RBFOX2: variants seen among roughly 807,000 people sequenced by gnomAD.
The protein encoded by RBFOX2 is RNA binding fox-1 homolog 2.
A neutral mutation model predicts 49.1 loss-of-function variants in RBFOX2; 10 were observed. That is an observed-to-expected ratio of 0.20 (90% CI 0.13 to 0.35). The LOEUF (loss-of-function observed/expected upper bound fraction) is 0.35, where lower values mean the gene tolerates loss of function less well. Ranked by LOEUF, RBFOX2 falls within the 10% of genes least tolerant of loss-of-function variation. RBFOX2 has a pLI of 1.00. For missense variants in RBFOX2, 323 were observed against 486.9 expected, an observed-to-expected ratio of 0.66 and a Z score of 3.17; for synonymous variants, 183 against 187.4, an observed-to-expected ratio of 0.98 and a Z score of 0.19.
intron 1 of RBFOX2, among the ~76,000 whole-genome samples, chr22:35,837,356 T>C (rs1053757521): frequency 1.3e-5 from 2 of 152,166 alleles, no homozygotes; most frequent in Admixed American, 6.5e-5. Flanking sequence ...AACACATCCA[T>C]ACATCGCTCT....
chr22:35,994,070 A>G (rs2058085191), intron 1 of RBFOX2: 1 of 152,174 alleles, frequency 6.6e-6, no homozygotes, highest in Non-Finnish European at 1.5e-5. Flanking sequence ...GCACACCAGT[A>G]TTGTAGTAAC....
At position 35,983,890 on chromosome 22, in the gene RBFOX2, A is replaced by G. The variant is rs376922971; in HGVS notation, c.186+44350T>C. 9.2e-5 allele frequency among the ~76,000 whole-genome samples: 14 copies of G among 152,322 alleles called. No individual in the cohort carries two copies. In the East Asian group the frequency reaches 1.5e-3, roughly 17 times the overall value. ...CAAGCTCTCTTCCTCCTCAACGACC[A>G]GGCACACTCTGTTTATCTCTGACAC... On this transcript the variant is annotated intron_variant, in intron 1 of 13. Transcript: ENST00000438146.
chr22:35,965,131 A>AGAAGATGCCAT (rs1342268656), upstream of RBFOX2, among the ~76,000 whole-genome samples: 1 of 152,234 alleles, frequency 6.6e-6, no homozygotes, highest in East Asian at 1.9e-4. Context: ...GGCTACTTTT[A>AGAAGATGCCAT]GAAGATGCCA....
At chr22:35,970,178 T>C (rs1334162281) in intron 1 of RBFOX2, among the ~76,000 whole-genome samples, 2 of 152,196 alleles carry the variant, frequency 1.3e-5, no homozygotes, top group African/African-American at 4.8e-5. Flanking sequence ...AGGGTGACCA[T>C]GTAACTTGTC....
intron 9 of RBFOX2, 44 bp from the exon 12 acceptor site, chr22:35,746,605 C>T (rs577059015): frequency 1.2e-5 from 16 of 1,299,744 alleles, no homozygotes; most frequent in Non-Finnish European, 1.4e-5. Context: ...CCTCTCCCCC[C>T]AGGTGTACAG....
At chr22:35,987,614 C>A (rs2057778100) in intron 1 of RBFOX2, among the ~76,000 whole-genome samples, 1 of 152,172 alleles carries the variant, frequency 6.6e-6, no homozygotes, top group Non-Finnish European at 1.5e-5. Flanking sequence ...TACATCAGGT[C>A]AGCCTCTAGG....
exon 1 of RBFOX2, chr22:35,961,563 C>T (rs1241888274): frequency 2.3e-5 from 30 of 1,304,036 alleles, no homozygotes; most frequent in Non-Finnish European, 3.0e-5. Context: ...CCCCACCAAC[C>T]TCACAGGGGT....
chr22:35,898,327 G>A (rs924735701), intron 1 of RBFOX2: 17 of 717,282 alleles, frequency 2.4e-5, no homozygotes, highest in Non-Finnish European at 3.9e-5. Context: ...TGTGACACAC[G>A]GATGTGGCTA....
At chr22:35,835,434 G>A (rs534113177) in intron 1 of RBFOX2, among the ~76,000 whole-genome samples, 65 of 152,240 alleles carry the variant, frequency 4.3e-4, no homozygotes, top group Admixed American at 2.9e-3. Flanking sequence ...AGATAAAATT[G>A]TTTACATATG....
chr22:36,024,519 T>G (rs1438970681), intron 1 of RBFOX2, among the ~76,000 whole-genome samples: 1 of 152,040 alleles, frequency 6.6e-6, no homozygotes, highest in Non-Finnish European at 1.5e-5. Flanking sequence ...ACGCAGGCGA[T>G]CACCTGAGGT....
At chr22:35,809,094 TA>T (rs1951317987) in intron 2 of RBFOX2, among the ~76,000 whole-genome samples, 1 of 149,918 alleles carries the variant, frequency 6.7e-6, no homozygotes, top group African/African-American at 2.5e-5. Context: ...ATGTGGAGGA[TA>T]GATAAGTTAG....
At chr22:35,952,019 T>C (rs1470849242) in intron 1 of RBFOX2, among the ~76,000 whole-genome samples, 1 of 152,230 alleles carries the variant, frequency 6.6e-6, no homozygotes, top group African/African-American at 2.4e-5. Context: ...TCTTATCTGT[T>C]AATGCCTGCT....
intron 1 of RBFOX2, among the ~76,000 whole-genome samples, chr22:35,876,703 C>CACAT (rs745864486): frequency 8.4e-5 from 10 of 118,408 alleles, no homozygotes; most frequent in African/African-American, 3.0e-4. Context: ...TTAAAAGAAA[C>CACAT]ACACACACAC....
At chr22:35,799,503 C>T (rs1949379724) in intron 2 of RBFOX2, among the ~76,000 whole-genome samples, 1 of 152,188 alleles carries the variant, frequency 6.6e-6, no homozygotes, top group Admixed American at 6.5e-5. Flanking sequence ...ATGCTCAGTT[C>T]TCATTTTTGT....
intron 2 of RBFOX2, among the ~76,000 whole-genome samples, chr22:35,783,465 G>A (rs1003844479): frequency 4.0e-5 from 6 of 150,048 alleles, no homozygotes; most frequent in Non-Finnish European, 7.4e-5. Context: ...CACGCCAAGA[G>A]TCTGCATTTT....
At chr22:35,832,891 T>C (rs1283455885) in intron 1 of RBFOX2, among the ~76,000 whole-genome samples, 1 of 152,152 alleles carries the variant, frequency 6.6e-6, no homozygotes, top group East Asian at 1.9e-4. Context: ...GCACAGTGAC[T>C]ATAGTTAACA....
chr22:36,021,378 C>G (rs2059242766), intron 1 of RBFOX2, among the ~76,000 whole-genome samples: 1 of 151,758 alleles, frequency 6.6e-6, no homozygotes, highest in Admixed American at 6.6e-5. Context: ...CACACGTACC[C>G]TAGAACTTGA....
chr22:35,834,678 A>G (rs916245952), intron 1 of RBFOX2, among the ~76,000 whole-genome samples: 1 of 152,166 alleles, frequency 6.6e-6, no homozygotes, highest in Non-Finnish European at 1.5e-5. Flanking sequence ...CAGGGAGAAA[A>G]GCAGAAGGGT....
chr22:35,815,255 T>A (rs1179098377), intron 1 of RBFOX2, among the ~76,000 whole-genome samples: 1 of 152,178 alleles, frequency 6.6e-6, no homozygotes, highest in East Asian at 1.9e-4. Flanking sequence ...ACTTCAGAGG[T>A]GGGTGTGAAA....
Sources: allele counts gnomAD v4.1 joint callset (sites outside exome capture counted in the v4.1 genomes callset), GRCh38; gene constraint gnomAD v4.1.1; transcripts MANE v1.5; gene names NCBI Gene and HGNC (gene_info 2026-07-23, HGNC 2026-07-21).